Variants in CFAP97 observed in about 807,000 individuals in gnomAD.
CFAP97 encodes the protein cilia- and flagella-associated protein 97.
A neutral mutation model predicts 43.1 loss-of-function variants in CFAP97; 36 were observed. The ratio of observed to expected loss-of-function variants is 0.84; its 90% confidence interval spans 0.64 to 1.10. The LOEUF is 1.10. Ranked by LOEUF, CFAP97 falls within the 50% of genes least tolerant of loss-of-function variation. CFAP97 has a pLI of 0.00. For synonymous variants in CFAP97, 228 were observed against 225.7 expected, an observed-to-expected ratio of 1.01 and a Z score of -0.09; for missense variants, 657 against 620.3, an observed-to-expected ratio of 1.06 and a Z score of -0.63.
At chr4:185,172,499 T>C (rs982312609) in intron 3 of CFAP97, among the ~76,000 whole-genome samples, 1 of 152,152 alleles carries the variant, frequency 6.6e-6, no homozygotes, top group Non-Finnish European at 1.5e-5. Context: ...GATGTAAGAG[T>C]TCTGGAACAG....
intron 2 of CFAP97, among the ~76,000 whole-genome samples, chr4:185,181,485 A>C (rs13123306): frequency 0.55 from 82,574 of 151,240 alleles, 23,134 homozygotes; most frequent in African/African-American, 0.69. Context: ...GCCACCACGC[A>C]CGGCTAATTT....
rs1459669035 is a variant in CFAP97, at chr4:185,167,997, T to TCA, written c.1321-3820_1321-3819dup. ...CTGGGTGACAGTGTAAGACTCCTTC[T>TCA]CAAAAAAAAAAAAAAAAAAAAAGAA... On this transcript the variant is annotated intron_variant, in intron 3 of 4. Transcript: ENST00000458385. 5.8e-3 allele frequency among the ~76,000 whole-genome samples: 517 copies of TCA among 89,488 alleles called. 4 individuals are homozygous for TCA. Among genetic ancestry groups the TCA allele is most frequent in the African/African-American group, 0.026 (477 of 18,284 alleles). The allele number at this position is 89,488 out of a possible 152,430, so 58.7% of individuals were successfully genotyped here. A position where few individuals can be genotyped will look rare whatever the true frequency, so the allele number is the denominator to read the frequency against.
chr4:185,188,613 G>A (rs1736103983), intron 2 of CFAP97, among the ~76,000 whole-genome samples: 1 of 152,162 alleles, frequency 6.6e-6, no homozygotes, highest in African/African-American at 2.4e-5. Flanking sequence ...AAAGGTGCTA[G>A]GATTACAGGT....
chr4:185,164,479 T>C (rs1328384890), intron 3 of CFAP97, among the ~76,000 whole-genome samples: 1 of 152,156 alleles, frequency 6.6e-6, no homozygotes, highest in Non-Finnish European at 1.5e-5. Context: ...ATCCAAGGGT[T>C]TTTGCCTATC....
At chr4:185,209,752 C>T (rs1166324204), upstream of CFAP97, 10 of 983,974 alleles carry the variant, frequency 1.0e-5, no homozygotes, top group South Asian at 2.3e-4. The surrounding 1 kb of genome is among the most constrained non-coding windows in gnomAD (Gnocchi z 5.2). Context: ...AGCGCGGGCT[C>T]CCCCTGCCTC....
intron 3 of CFAP97, chr4:185,170,489 C>T (rs538670900): frequency 1.7e-5 from 6 of 360,502 alleles, no homozygotes; most frequent in East Asian, 8.0e-5. Flanking sequence ...CTCTGCTTCC[C>T]GGGTTCAAGT....
intron 2 of CFAP97, among the ~76,000 whole-genome samples, chr4:185,181,058 A>G (rs1170143853): frequency 2.0e-5 from 3 of 151,988 alleles, no homozygotes; most frequent in African/African-American, 7.2e-5. Flanking sequence ...CAAGTCGTTT[A>G]ATGCCTGGCT....
chr4:185,192,237 A>G (rs1337291950), intron 1 of CFAP97, among the ~76,000 whole-genome samples: 2 of 152,228 alleles, frequency 1.3e-5, no homozygotes, highest in Non-Finnish European at 2.9e-5. Context: ...GTAATCACAA[A>G]CTGTGCCAAA....
chr4:185,204,087 C>G (rs1457362827), upstream of CFAP97: 1 of 151,138 alleles, frequency 6.6e-6, no homozygotes, highest in Non-Finnish European at 1.5e-5. Context: ...GCCCTCGCGG[C>G]GGGCGTCACA....
At position 185,173,362 on chromosome 4, in the gene CFAP97, T is replaced by TAA. The variant is rs11345517; in HGVS notation, c.1320+2422_1320+2423dup. Among the ~76,000 whole-genome samples, 414 of 127,642 alleles carry TAA rather than the reference T, an allele frequency of 3.2e-3. 1 individual carries two copies. The highest frequency in any genetic ancestry group is 4.9e-3 in the Non-Finnish European group (304 of 62,050). The allele number at this position is 127,642 out of a possible 152,430, so 83.7% of individuals were successfully genotyped here. A position where few individuals can be genotyped will look rare whatever the true frequency, so the allele number is the denominator to read the frequency against. On this transcript the variant is annotated intron_variant, in intron 3 of 4. Transcript: ENST00000458385. ...TGGTGACGAGCCAGACTCCGTCTCT[T>TAA]AAAAAAAAAAAAAAAAAAAAGTAAA...
intron 1 of CFAP97, among the ~76,000 whole-genome samples, chr4:185,198,319 T>C (rs1055070766): frequency 1.3e-5 from 2 of 151,518 alleles, no homozygotes; most frequent in Non-Finnish European, 2.9e-5. Flanking sequence ...GGCAGGAGCC[T>C]GAAGTCCCAG....
At chr4:185,206,681 A>AG (rs1222677687), upstream of CFAP97, among the ~76,000 whole-genome samples, 1 of 151,206 alleles carries the variant, frequency 6.6e-6, no homozygotes, top group East Asian at 1.9e-4. Context: ...AAAAAAAAAA[A>AG]AGAATGGAAG....
Position 185,190,472 on chromosome 4 carries a change from C to G in CFAP97, c.725G>C (p.Gly242Ala). Residue 242 changes from glycine to alanine, a missense_variant, in exon 2 of 5, where the codon GGC becomes GCC. Coordinates refer to ENST00000458385, the MANE Select transcript of CFAP97 (RefSeq NM_020827.3). ...ATCTTCAGACTCCTCAGGGTAGTGGCCACATTTTGGTGTAGTACTTGAAGG... is the reference window on the plus strand; with the variant it reads ...ATCTTCAGACTCCTCAGGGTAGTGGGCACATTTTGGTGTAGTACTTGAAGG... ...TQPSSTTPKC[G>A]HYPEESEDTV... The G allele has an allele frequency of 6.2e-7, 1 of 1,613,872 alleles. No individual in the cohort carries two copies. The highest frequency in any genetic ancestry group is 2.2e-5 in the East Asian group (1 of 44,876).
In CFAP97 at chr4:185,164,145, G is replaced by A. The variant is rs760447142; in HGVS notation, c.1355C>T (p.Thr452Ile). The change falls in exon 4 of 5, where the codon ACA (threonine) becomes ATA (isoleucine). Residue 452 changes from threonine to isoleucine, a missense_variant. By Grantham distance (89) the Thr-to-Ile change is moderately conservative (BLOSUM62 -1). Transcript: ENST00000458385. ...LLKRLEAVKP[T>I]VGMKRSEQLM... ...TTGTTCTGAACGTTTCATACCAACT[G>A]TTGGTTTCACGGCCTCAAGCCTTTT... 3.7e-6 allele frequency: 6 copies of A among 1,613,956 alleles called. No homozygotes were observed. In the South Asian group the frequency reaches 5.5e-5, roughly 15 times the overall value.
chr4:185,182,992 C>T (rs959066948), intron 2 of CFAP97, among the ~76,000 whole-genome samples: 3 of 151,636 alleles, frequency 2.0e-5, no homozygotes, highest in Non-Finnish European at 4.4e-5. Context: ...CCCAGCTACT[C>T]GGGAGGCTGA....
chr4:185,191,821 T>C (rs1033644003), intron 1 of CFAP97, among the ~76,000 whole-genome samples: 1 of 151,802 alleles, frequency 6.6e-6, no homozygotes, highest in South Asian at 2.1e-4. Context: ...AGAGCAAGAC[T>C]CCATCTCAAC....
chr4:185,171,125 A>G (rs1158950940), intron 3 of CFAP97, among the ~76,000 whole-genome samples: 5 of 152,002 alleles, frequency 3.3e-5, no homozygotes, highest in Non-Finnish European at 7.4e-5. Context: ...AATCATCATT[A>G]CATTATTTAT....
At chr4:185,197,486 C>G (rs1339425951) in intron 1 of CFAP97, among the ~76,000 whole-genome samples, 1 of 150,984 alleles carries the variant, frequency 6.6e-6, no homozygotes, top group African/African-American at 2.4e-5. Context: ...AGCGCAGTGG[C>G]GCGTGATCTC....
rs375060134 is a variant in CFAP97 at position 185,175,740 on chromosome 4, A to G, written c.1320+46T>C. 66 of 1,563,960 alleles carry G rather than the reference A, an allele frequency of 4.2e-5. No individual in the cohort carries two copies. In the African/African-American group the frequency reaches 8.2e-4, roughly 19 times the overall value. ...TTCCTGTAAGCTGGACATACAAATC[A>G]GTGCAAACACATTTTCTTTGATGAC... On this transcript the variant is annotated intron_variant, in intron 3 of 4. Transcript: ENST00000458385.
Sources: gnomAD v4.1 joint callset for allele counts (sites outside exome capture counted in the v4.1 genomes callset) on GRCh38, gnomAD v4.1.1 for gene constraint, Gnocchi (gnomAD v3.1) non-coding constraint, MANE v1.5 for transcripts, NCBI Gene and HGNC (gene_info 2026-07-23, HGNC 2026-07-21) for gene names.